Variants in SYNE2 observed in about 807,000 individuals in gnomAD.
The protein encoded by SYNE2 is spectrin repeat containing nuclear envelope protein 2.
SYNE2 carries 431 observed loss-of-function variants against 856.3 expected under a neutral mutation model. That is an observed-to-expected ratio of 0.50 (90% CI 0.47 to 0.55). The LOEUF is 0.55. Ranked by LOEUF, SYNE2 falls within the 20% of genes least tolerant of loss-of-function variation. The pLI, the probability that SYNE2 is intolerant of heterozygous loss-of-function variation, is 0.00. For synonymous variants in SYNE2, 2,923 were observed against 2,872.3 expected (o/e 1.02, Z -0.56); for missense variants, 8,129 against 8,023.2 (o/e 1.01, Z -0.50).
intron 15 of SYNE2, 56 bp downstream of exon 15, chr14:63,980,788 T>C (rs1022538619): frequency 2.1e-4 from 274 of 1,287,270 alleles, no homozygotes; most frequent in Middle Eastern, 1.9e-4. Context: ...AGTGATGTTT[T>C]ATCTGTTGTG....
intron 67 of SYNE2, 32 bp downstream of exon 67, chr14:64,119,641 T>C (rs1298694207): frequency 2.5e-6 from 4 of 1,610,092 alleles, no homozygotes; most frequent in East Asian, 2.2e-5. Flanking sequence ...ACATTCATCT[T>C]GATACACATA....
At chr14:63,795,442 G>A (rs1566570979) in intron 1 of SYNE2, among the ~76,000 whole-genome samples, 1 of 152,030 alleles carries the variant, frequency 6.6e-6, no homozygotes, top group South Asian at 2.1e-4. Context: ...GCTTGCAGAT[G>A]GCCTATTGTG....
chr14:63,873,282 A>G (rs1409809681), intron 1 of SYNE2: 1 of 144,002 alleles, frequency 6.9e-6, no homozygotes, highest in Admixed American at 7.4e-5. Context: ...CTTTATTTAG[A>G]ATGGATATGA....
intron 1 of SYNE2, among the ~76,000 whole-genome samples, chr14:63,874,362 G>T (rs1331747370): frequency 6.6e-6 from 1 of 152,118 alleles, no homozygotes; most frequent in Admixed American, 6.6e-5. Context: ...GGCTCTCCCT[G>T]CCTGCCCTCT....
In SYNE2 at chr14:63,940,596, T is replaced by C; in HGVS notation, c.80-18T>C. The C allele has an allele frequency of 5.6e-6, 9 of 1,613,752 alleles. No homozygotes were observed. The highest frequency in any genetic ancestry group is 7.6e-6 in the Non-Finnish European group (9 of 1,179,638). ...GAGGCTTCTGGTTTTATAACTGCTG[T>C]TGTTCTTTCTTTGATAGCTGAACAG... On this transcript the variant is annotated intron_variant, in intron 2 of 115. Coordinates refer to ENST00000555002, the MANE Select transcript of SYNE2 (RefSeq NM_182914.3).
chr14:64,021,911 C>A lies in SYNE2; in HGVS notation c.5407C>A (p.Gln1803Lys). Residue 1803 changes from glutamine (Q) to lysine (K), a missense_variant, in exon 37 of 116, where the codon CAA (glutamine) becomes AAA (lysine). Physicochemically the swap from Gln to Lys is moderately conservative, Grantham distance 53 (BLOSUM62 1). Coordinates refer to ENST00000555002, the MANE Select transcript of SYNE2 (RefSeq NM_182914.3). Reference sequence around the variant, plus strand: ...ACACAGTATGATATTACTTGAGAATCAAATAGGTTGTCTGACTCCTGAACT... The same window carrying A: ...ACACAGTATGATATTACTTGAGAATAAAATAGGTTGTCTGACTCCTGAACT... ...QKHSMILLEN[Q>K]IGCLTPELSE... The A allele has an allele frequency of 1.2e-6, 2 of 1,613,884 alleles. No individual in the cohort carries two copies. The highest frequency in any genetic ancestry group is 1.1e-5 in the South Asian group (1 of 91,042).
intron 37 of SYNE2, 67 bp from the exon 38 acceptor site, chr14:64,022,684 T>C: frequency 1.2e-6 from 1 of 857,466 alleles, no homozygotes; most frequent in East Asian, 2.6e-5. Flanking sequence ...AGTTTCAAAA[T>C]CTCTCACTTT....
chr14:63,792,732 CAG>C (rs1426718522), intron 1 of SYNE2, among the ~76,000 whole-genome samples: 1 of 151,994 alleles, frequency 6.6e-6, no homozygotes, highest in East Asian at 1.9e-4. Flanking sequence ...GTGGCACAAT[CAG>C]AGCTCACTGC....
At position 64,226,367 on chromosome 14, in the gene SYNE2, G is replaced by A. The variant is rs1427154752; in HGVS notation, c.*841G>A. On this transcript the variant is annotated 3_prime_UTR_variant, in exon 116 of 116. Transcript: ENST00000555002. ...GGGGTGGGGGCGGGGGGTTGGTACAGAAACTTGAAGCTGTTTGTGATATGT... is the reference window on the plus strand; with the variant it reads ...GGGGTGGGGGCGGGGGGTTGGTACAAAAACTTGAAGCTGTTTGTGATATGT... 6.6e-6 allele frequency: 1 copy of A among 152,432 alleles called. No individual in the cohort carries two copies. The highest frequency in any genetic ancestry group is 2.4e-5 in the African/African-American group (1 of 41,364). 9.4% of individuals were successfully genotyped at this position (152,432 alleles called of 1,614,324 possible). A position where few individuals can be genotyped will look rare whatever the true frequency, so the allele number is the denominator to read the frequency against.
intron 99 of SYNE2, chr14:64,190,584 C>A (rs1458483773): frequency 1.4e-6 from 1 of 701,880 alleles, no homozygotes; most frequent in Admixed American, 2.0e-5. Context: ...GGAGCCATGC[C>A]CGTTGCTCCT....
Position 64,129,826 on chromosome 14 carries a change from A to G in SYNE2, c.14064A>G (p.Arg4688=). The change falls in exon 75 of 116, where the codon CGA becomes CGG. Residue 4688 remains arginine, a synonymous_variant. Transcript: ENST00000555002. The part of the protein sequence containing the change: ...YTVELENAES[R]VAKLRDEGER... ...TGGAGCTGGAGAACGCCGAGAGCCG[A>G]GTGGCCAAACTAAGAGATGAAGGGG... The G allele has an allele frequency of 6.2e-7, 1 of 1,614,188 alleles. No homozygotes were observed. The highest frequency in any genetic ancestry group is 2.2e-5 in the East Asian group (1 of 44,890).
At chr14:63,811,632 G>A (rs886924134) in intron 1 of SYNE2, among the ~76,000 whole-genome samples, 2 of 152,200 alleles carry the variant, frequency 1.3e-5, no homozygotes, top group Middle Eastern at 3.4e-3. Flanking sequence ...TGGGGAACTC[G>A]CCCCCAATAT....
rs148475478 is a variant in SYNE2 at position 64,152,948 on chromosome 14, G to T, written c.15792+232G>T. On this transcript the variant is annotated intron_variant, in intron 85 of 115. Transcript: ENST00000555002. ...CATTGACAGGCTGCAAATCCACTTG[G>T]TTATCTTTGTTTTGTCTAATGTACT... Among the ~76,000 whole-genome samples the T allele has an allele frequency of 5.1e-3, 771 of 152,294 alleles. 2 individuals are homozygous for T. The highest frequency in any genetic ancestry group is 0.01 in the Middle Eastern group (3 of 294).
chr14:64,183,157 G>A (rs2098468968), intron 96 of SYNE2, among the ~76,000 whole-genome samples: 1 of 150,814 alleles, frequency 6.6e-6, no homozygotes, highest in Admixed American at 6.6e-5. Flanking sequence ...TCACTTCTCG[G>A]ACGGGGCGAC....
intron 94 of SYNE2, 128 bp downstream of exon 94, chr14:64,170,590 G>A: frequency 1.1e-6 from 1 of 946,706 alleles, no homozygotes; most frequent in Non-Finnish European, 1.6e-6. Flanking sequence ...TGTGAGGCCA[G>A]CAAGGTGCAG....
chr14:64,168,196 C>A (rs764935617), intron 92 of SYNE2, among the ~76,000 whole-genome samples: 1 of 152,154 alleles, frequency 6.6e-6, no homozygotes, highest in African/African-American at 2.4e-5. Flanking sequence ...TTCCACCCCC[C>A]AGGCTCAAGC....
chr14:63,957,944 A>G (rs1166591457), intron 8 of SYNE2, among the ~76,000 whole-genome samples: 1 of 152,138 alleles, frequency 6.6e-6, no homozygotes, highest in Non-Finnish European at 1.5e-5. Context: ...GCCCAGGCTG[A>G]GGAAGGAGAA....
At chr14:63,793,098 A>G (rs1337876580) in intron 1 of SYNE2, among the ~76,000 whole-genome samples, 1 of 152,196 alleles carries the variant, frequency 6.6e-6, no homozygotes, top group East Asian at 1.9e-4. Context: ...ACATTATGTC[A>G]CTAATAGAAT....
chr14:64,027,430 C>A, intron 42 of SYNE2, 54 bp from the exon 43 acceptor site: 1 of 1,152,102 alleles, frequency 8.7e-7, no homozygotes, highest in Non-Finnish European at 1.3e-6. Flanking sequence ...ATGCAAAATG[C>A]TAGTCCATTT....
Sources: allele counts gnomAD v4.1 joint callset (sites outside exome capture counted in the v4.1 genomes callset), GRCh38; gene constraint gnomAD v4.1.1; transcripts MANE v1.5; gene names NCBI Gene and HGNC (gene_info 2026-07-23, HGNC 2026-07-21).